LNX1: variants seen among roughly 807,000 people sequenced by gnomAD.
LNX1 encodes the protein E3 ubiquitin-protein ligase LNX.
A neutral mutation model predicts 68.4 loss-of-function variants in LNX1; 54 were observed. That is an observed-to-expected ratio of 0.79 (90% CI 0.63 to 0.99). LNX1 has a LOEUF of 0.99. Ranked by LOEUF, LNX1 falls within the 50% of genes least tolerant of loss-of-function variation. The probability of loss-of-function intolerance (pLI) is 0.00; values close to 1 mark genes in which losing one functional copy is unlikely to be tolerated. For missense variants in LNX1, 906 were observed against 926.4 expected (o/e 0.98, Z 0.29); for synonymous variants, 336 against 350.0 (o/e 0.96, Z 0.45).
intron 1 of LNX1, among the ~76,000 whole-genome samples, chr4:53,651,685 AG>A (rs1031855912): frequency 4.5e-4 from 68 of 152,348 alleles, no homozygotes; most frequent in Admixed American, 3.5e-3. Context: ...AGCAGGTCAC[AG>A]CTTCTCTCAA....
At chr4:53,540,155 G>A (rs566064898) in intron 2 of LNX1, among the ~76,000 whole-genome samples, 2 of 152,198 alleles carry the variant, frequency 1.3e-5, no homozygotes, top group African/African-American at 4.8e-5. Context: ...TCTGAGGCTG[G>A]CAGATTGCTT....
chr4:53,534,179 G>A (rs919146180), intron 2 of LNX1, among the ~76,000 whole-genome samples: 2 of 152,240 alleles, frequency 1.3e-5, no homozygotes, highest in Admixed American at 1.3e-4. Flanking sequence ...GGCTGAACAA[G>A]TGCACCTCAG....
At chr4:53,644,764 G>A (rs1734820397) in intron 1 of LNX1, among the ~76,000 whole-genome samples, 1 of 152,194 alleles carries the variant, frequency 6.6e-6, no homozygotes, top group South Asian at 2.1e-4. Context: ...GTTCCTGCTG[G>A]AGGGAGCTCA....
intron 2 of LNX1, among the ~76,000 whole-genome samples, chr4:53,528,898 A>G (rs1227706990): frequency 2.0e-5 from 3 of 152,108 alleles, no homozygotes; most frequent in Non-Finnish European, 4.4e-5. Context: ...CATCAGCTCA[A>G]TCAGAGTTGA....
At chr4:53,534,917 T>G (rs1728263511) in intron 2 of LNX1, among the ~76,000 whole-genome samples, 1 of 152,178 alleles carries the variant, frequency 6.6e-6, no homozygotes, top group African/African-American at 2.4e-5. Context: ...AATCGTTGAG[T>G]GAGGACCTGT....
chr4:53,565,710 AG>A (rs1345663528), intron 2 of LNX1, among the ~76,000 whole-genome samples: 4 of 150,834 alleles, frequency 2.7e-5, no homozygotes, highest in African/African-American at 9.7e-5. Context: ...GAGCTACGGG[AG>A]GACATTCAAA....
chr4:53,620,064 G>T (rs577358686), upstream of LNX1, among the ~76,000 whole-genome samples: 2 of 152,304 alleles, frequency 1.3e-5, no homozygotes, highest in Admixed American at 1.3e-4. Flanking sequence ...AACACATTGT[G>T]GCTTTTGTTA....
Position 53,459,922 on chromosome 4 carries a change from ACATTT to A in LNX1, c.*980_*984del, listed in dbSNP as rs1721514457. 1 of 219,286 alleles carries A rather than the reference ACATTT, an allele frequency of 4.6e-6. No homozygotes were observed. Among genetic ancestry groups the A allele is most frequent in the Non-Finnish European group, 9.2e-6 (1 of 109,248 alleles). The allele number at this position is 219,286 out of a possible 1,614,324, so 13.6% of individuals were successfully genotyped here. On this transcript the variant is annotated 3_prime_UTR_variant, in exon 11 of 11. Transcript: ENST00000263925. The stretch of plus-strand genomic sequence containing the variant: ...TTGCTTAGTATATTAAGAGACTCAT[ACATTT>A]TTGATATCACAACTTTTTGATGGCT...
At chr4:53,552,482 G>A (rs1729578973) in intron 2 of LNX1, among the ~76,000 whole-genome samples, 1 of 152,184 alleles carries the variant, frequency 6.6e-6, no homozygotes, top group African/African-American at 2.4e-5. Flanking sequence ...TGCACCACCA[G>A]TACTAGCACC....
rs7691696 is a variant in LNX1, at chr4:53,490,385, T to C, written c.1350+5638A>G. On this transcript the variant is annotated intron_variant, in intron 6 of 10. Transcript: ENST00000263925. ...AGTTATTCCAGTCATGATTGGGAAA[T>C]TGACTTGAGAAATTGACAATGGAGA... Among the ~76,000 whole-genome samples, 1,097 of 152,300 alleles carry C rather than the reference T, an allele frequency of 7.2e-3. 14 individuals are homozygous for C. Among genetic ancestry groups the C allele is most frequent in the African/African-American group, 0.025 (1,038 of 41,564 alleles).
chr4:53,501,286 T>A (rs60814046), intron 4 of LNX1, among the ~76,000 whole-genome samples: 13,169 of 59,966 alleles, frequency 0.22, 1,127 homozygotes, highest in South Asian at 0.48. Flanking sequence ...ATAATCTTTT[T>A]TTTTTTTTTT....
chr4:53,645,412 T>C (rs944735411), intron 1 of LNX1, among the ~76,000 whole-genome samples: 14 of 152,100 alleles, frequency 9.2e-5, no homozygotes, highest in African/African-American at 3.1e-4. Flanking sequence ...AAGTTGTCAG[T>C]GTGCACTACC....
intron 2 of LNX1, among the ~76,000 whole-genome samples, chr4:53,546,943 T>C (rs1729155198): frequency 6.6e-6 from 1 of 152,164 alleles, no homozygotes; most frequent in Non-Finnish European, 1.5e-5. Context: ...CCTCTCTCCA[T>C]GGAATTTCCC....
chr4:53,545,863 A>G (rs1577691777), intron 2 of LNX1, among the ~76,000 whole-genome samples: 1 of 144,384 alleles, frequency 6.9e-6, no homozygotes, highest in African/African-American at 2.6e-5. Flanking sequence ...GCTGGAGTAC[A>G]ATGGTGCTAT....
chr4:53,492,895 C>G (rs1287603586), intron 6 of LNX1, among the ~76,000 whole-genome samples: 1 of 152,016 alleles, frequency 6.6e-6, no homozygotes, highest in African/African-American at 2.4e-5. Flanking sequence ...TCTGGAGGTG[C>G]AAGTGTGGTC....
chr4:53,500,135 C>G (rs1233704192), intron 4 of LNX1: 1 of 152,206 alleles, frequency 6.6e-6, no homozygotes, highest in African/African-American at 2.4e-5. Context: ...CAGGTCAGAA[C>G]CCAGAGTTCT....
At position 53,460,495 on chromosome 4, in the gene LNX1, A is replaced by G. The variant is rs1300177091; in HGVS notation, c.*412T>C. On this transcript the variant is annotated 3_prime_UTR_variant, in exon 11 of 11. Transcript: ENST00000263925. ...TATTTATTCTTGTTTGATGAAAGCA[A>G]CGTTTCTCAGCAATGCATTTTAAAA... 1 of 199,222 alleles carries G rather than the reference A, an allele frequency of 5.0e-6. No homozygotes were observed. Among genetic ancestry groups the G allele is most frequent in the East Asian group, 8.0e-5 (1 of 12,498 alleles). The allele number at this position is 199,222 out of a possible 1,614,324, so 12.3% of individuals were successfully genotyped here. A position where few individuals can be genotyped will look rare whatever the true frequency, so the allele number is the denominator to read the frequency against.
At chr4:53,599,610 C>G (rs1258999810) in intron 2 of LNX1, among the ~76,000 whole-genome samples, 1 of 152,138 alleles carries the variant, frequency 6.6e-6, no homozygotes, top group African/African-American at 2.4e-5. Context: ...GATCCAAGAA[C>G]CCTCTCTTGG....
chr4:53,467,774 G>C (rs1165679170), intron 9 of LNX1, among the ~76,000 whole-genome samples: 1 of 152,188 alleles, frequency 6.6e-6, no homozygotes, highest in Non-Finnish European at 1.5e-5. Context: ...AATGAAGCGA[G>C]AAGAGAAGTT....
Sources: allele counts gnomAD v4.1 joint callset (sites outside exome capture counted in the v4.1 genomes callset), GRCh38; gene constraint gnomAD v4.1.1; transcripts MANE v1.5; gene names NCBI Gene and HGNC (gene_info 2026-07-23, HGNC 2026-07-21).